GLYATL2: variants seen among roughly 807,000 people sequenced by gnomAD.
GLYATL2 encodes the protein glycine N-acyltransferase-like protein 2.
A neutral mutation model predicts 21.4 loss-of-function variants in GLYATL2; 25 were observed. The ratio of observed to expected loss-of-function variants is 1.17; its 90% CI spans 0.85 to 1.63. The LOEUF (loss-of-function observed/expected upper bound fraction) is 1.63. Ranked by LOEUF, GLYATL2 falls within the 40% of genes most tolerant of loss-of-function variation. GLYATL2 has a pLI of 0.00. For synonymous variants in GLYATL2, 114 were observed against 118.2 expected (o/e 0.96, Z 0.23); for missense variants, 361 against 343.3 (o/e 1.05, Z -0.41).
chr11:58,877,266 CT>C (rs1228105684), intron 1 of GLYATL2, among the ~76,000 whole-genome samples: 1 of 152,216 alleles, frequency 6.6e-6, no homozygotes, highest in Non-Finnish European at 1.5e-5. Context: ...CCTGCTTTGG[CT>C]CATGTATGGT....
rs575931880 is a variant in GLYATL2 at position 58,890,061 on chromosome 11, A to C, written n.60+14095T>G. Among the ~76,000 whole-genome samples the C allele has an allele frequency of 4.6e-5, 7 of 152,188 alleles. 1 individual carries two copies. The South Asian group carries it at 1.5e-3, about 32-fold the overall frequency. On this transcript the variant is annotated intron_variant and non_coding_transcript_variant, in intron 1 of 4. Coordinates refer to the GLYATL2 transcript ENST00000533636. ...GACAGATCTCATCACCCTGGTAGTG[A>C]GCATATACCCAATAGTTAGTTTTCT...
intron 1 of GLYATL2, among the ~76,000 whole-genome samples, chr11:58,842,219 T>C (rs1328762269): frequency 1.3e-5 from 2 of 152,158 alleles, no homozygotes; most frequent in African/African-American, 4.8e-5. Flanking sequence ...ACTTGTGAAA[T>C]TAAGTTTTGG....
chr11:58,907,479 G>GTATTGT (rs2134639345), upstream of GLYATL2: 2 of 388,960 alleles, frequency 5.1e-6, no homozygotes, highest in Non-Finnish European at 1.0e-5. Context: ...GCTCTTTTTT[G>GTATTGT]TTTGTTTTGT....
In GLYATL2 at chr11:58,837,997, A is replaced by G. The variant is rs79742466; in HGVS notation, c.186+264T>C. Among the ~76,000 whole-genome samples, 754 of 152,302 alleles carry G rather than the reference A, an allele frequency of 5.0e-3. 4 individuals carry two copies. Among genetic ancestry groups the G allele is most frequent in the African/African-American group, 0.017 (715 of 41,566 alleles). ...GCCATAGAAGTCTAGGTTGGGATGT[A>G]TTCCTATGATCAGAATCTTGATGGA... On this transcript the variant is annotated intron_variant, in intron 3 of 5. Coordinates refer to ENST00000287275, the MANE Select transcript of GLYATL2 (RefSeq NM_145016.4).
chr11:58,867,353 T>C (rs1854040579), intron 1 of GLYATL2, among the ~76,000 whole-genome samples: 1 of 148,988 alleles, frequency 6.7e-6, no homozygotes, highest in Non-Finnish European at 1.5e-5. Flanking sequence ...TGGCAGCGTG[T>C]AATTTATGGT....
chr11:58,843,398 A>C (rs1374630363), intron 1 of GLYATL2, among the ~76,000 whole-genome samples: 2 of 152,204 alleles, frequency 1.3e-5, no homozygotes, highest in Admixed American at 6.5e-5. Flanking sequence ...ACTAGCAAGC[A>C]TGCTTAGGAT....
intron 1 of GLYATL2, among the ~76,000 whole-genome samples, chr11:58,879,327 C>T (rs759861167): frequency 8.5e-5 from 13 of 152,102 alleles, no homozygotes; most frequent in Non-Finnish European, 1.3e-4. Flanking sequence ...CATGTGCATG[C>T]ATATTTTGGG....
chr11:58,846,059 C>G (rs1237752537), upstream of GLYATL2, among the ~76,000 whole-genome samples: 1 of 152,122 alleles, frequency 6.6e-6, no homozygotes, highest in Non-Finnish European at 1.5e-5. Context: ...AAATACATAT[C>G]AAAGTTTATA....
At chr11:58,850,398 A>C (rs757263008) in intron 1 of GLYATL2, among the ~76,000 whole-genome samples, 25 of 152,160 alleles carry the variant, frequency 1.6e-4, no homozygotes, top group Non-Finnish European at 3.4e-4. Flanking sequence ...ATAAAATAAC[A>C]AGAGTTATAC....
At chr11:58,896,066 A>G (rs1405187550) in intron 1 of GLYATL2, among the ~76,000 whole-genome samples, 8 of 152,080 alleles carry the variant, frequency 5.3e-5, no homozygotes, top group African/African-American at 1.9e-4. Context: ...CAACTTGGCC[A>G]GGCTTGTCTT....
intron 1 of GLYATL2, among the ~76,000 whole-genome samples, chr11:58,853,635 A>C (rs1853779552): frequency 6.6e-6 from 1 of 152,208 alleles, no homozygotes; most frequent in Non-Finnish European, 1.5e-5. Context: ...CTCTGAAACA[A>C]ATCTATGTCC....
In GLYATL2 at chr11:58,856,894, A is replaced by G. The variant is rs143236465; in HGVS notation, n.61-18526T>C. On this transcript the variant is annotated intron_variant and non_coding_transcript_variant, in intron 1 of 4. Transcript: ENST00000533636. ...ACAGGAAGGGAGCACATTTGTTGGA[A>G]AAATGGTGCCAGTAGACTTGCTTGA... is the stretch of plus-strand genomic sequence containing the variant. Among the ~76,000 whole-genome samples, 349 of 152,348 alleles carry G rather than the reference A, an allele frequency of 2.3e-3. 4 individuals carry two copies. Among genetic ancestry groups the G allele is most frequent in the African/African-American group, 7.0e-3 (293 of 41,584 alleles).
chr11:58,905,599 C>G, upstream of GLYATL2: 2 of 456,310 alleles, frequency 4.4e-6, no homozygotes, highest in Non-Finnish European at 8.8e-6. Context: ...TTGGCTTCCA[C>G]TGGGAGACAG....
the GLYATL2 span, among the ~76,000 whole-genome samples, chr11:58,909,449 G>T: frequency 6.6e-6 from 1 of 152,258 alleles, no homozygotes; most frequent in African/African-American, 2.4e-5. Context: ...GTGATAGATA[G>T]GTTGATGTCA....
chr11:58,884,276 T>A (rs1366363725), intron 1 of GLYATL2, among the ~76,000 whole-genome samples: 2 of 152,150 alleles, frequency 1.3e-5, no homozygotes, highest in Non-Finnish European at 2.9e-5. Flanking sequence ...AGTCAAATTG[T>A]CCCTGTTTGC....
chr11:58,900,489 C>G (rs1414127646), intron 1 of GLYATL2, among the ~76,000 whole-genome samples: 1 of 152,208 alleles, frequency 6.6e-6, no homozygotes, highest in Non-Finnish European at 1.5e-5. Flanking sequence ...CCTACTCCCG[C>G]CCGGCAGCTC....
Position 58,854,109 on chromosome 11 carries a change from T to C in GLYATL2, n.61-15741A>G, listed in dbSNP as rs1374496471. The stretch of plus-strand genomic sequence containing the variant: ...CTTAACATAATGTACTCCAAGTTCA[T>C]CTATGTGGTTTCAAATGACCGAATT... On this transcript the variant is annotated intron_variant and non_coding_transcript_variant, in intron 1 of 4. Transcript: ENST00000533636. Among the ~76,000 whole-genome samples the C allele has an allele frequency of 2.6e-5, 4 of 152,244 alleles. No individual in the cohort carries two copies. The East Asian group carries it at 7.7e-4, about 29-fold the overall frequency.
chr11:58,866,433 G>C (rs563024401), intron 1 of GLYATL2, among the ~76,000 whole-genome samples: 1 of 148,842 alleles, frequency 6.7e-6, no homozygotes, highest in South Asian at 2.2e-4. Flanking sequence ...CTTCTGACTG[G>C]ATGAACAACC....
At chr11:58,887,021 T>C (rs1854454543) in intron 1 of GLYATL2, among the ~76,000 whole-genome samples, 1 of 152,258 alleles carries the variant, frequency 6.6e-6, no homozygotes, top group Non-Finnish European at 1.5e-5. Flanking sequence ...TTAGTTTATT[T>C]AATCCATGGT....
Sources: gnomAD v4.1 joint callset for allele counts (sites outside exome capture counted in the v4.1 genomes callset) on GRCh38, gnomAD v4.1.1 for gene constraint, MANE v1.5 for transcripts, NCBI Gene and HGNC (gene_info 2026-07-23, HGNC 2026-07-21) for gene names.